Variants in PTN observed in about 807,000 individuals in gnomAD.
PTN encodes pleiotrophin.
PTN carries 18 observed loss-of-function variants against 24.1 expected under a neutral mutation model. The ratio of observed to expected loss-of-function variants is 0.75; its 90% CI spans 0.52 to 1.11. PTN has a LOEUF of 1.11. PTN is among the 50% of genes least tolerant of loss of function. The probability of loss-of-function intolerance (pLI) is 0.00; values close to 1 mark genes in which losing one functional copy is unlikely to be tolerated. For synonymous variants in PTN, 78 were observed against 68.6 expected, an observed-to-expected ratio of 1.14 and a Z score of -0.67; for missense variants, 163 against 198.8, an observed-to-expected ratio of 0.82 and a Z score of 1.08.
rs561947700 is a variant in PTN at position 137,327,029 on chromosome 7, A to G, written c.-2+16410T>C. 2 of 152,318 alleles carry G rather than the reference A, an allele frequency of 1.3e-5. 1 individual carries two copies. Among genetic ancestry groups the G allele is most frequent in the East Asian group, 3.9e-4 (2 of 5,180 alleles). 9.4% of individuals were successfully genotyped at this position (152,318 alleles called of 1,614,324 possible). On this transcript the variant is annotated intron_variant, in intron 1 of 4. Transcript: ENST00000348225. ...GAGAAAGGGGTAAGTAATCATTTTAACTAGGGGAATAAAGGTAAAATTTTC... is the reference window on the plus strand; with the variant it reads ...GAGAAAGGGGTAAGTAATCATTTTAGCTAGGGGAATAAAGGTAAAATTTTC...
At chr7:137,273,211 A>C (rs1331373843) in intron 1 of PTN, among the ~76,000 whole-genome samples, 2 of 152,228 alleles carry the variant, frequency 1.3e-5, no homozygotes, top group African/African-American at 4.8e-5. Flanking sequence ...TAAATGAATA[A>C]AATAAAGAAT....
intron 1 of PTN, among the ~76,000 whole-genome samples, chr7:137,331,912 G>C (rs747465771): frequency 5.3e-5 from 8 of 152,184 alleles, no homozygotes; most frequent in Non-Finnish European, 1.0e-4. Flanking sequence ...CATCTGCAAG[G>C]ACAAAGACTT....
intron 3 of PTN, among the ~76,000 whole-genome samples, chr7:137,252,497 G>A (rs1287754124): frequency 1.3e-5 from 2 of 151,736 alleles, no homozygotes; most frequent in African/African-American, 4.9e-5. Context: ...TAAACTTTTT[G>A]TAAGTGGGTT....
intron 1 of PTN, among the ~76,000 whole-genome samples, chr7:137,319,268 C>A (rs1273129957): frequency 6.6e-6 from 1 of 152,194 alleles, no homozygotes; most frequent in Non-Finnish European, 1.5e-5. Flanking sequence ...TAACAGAATT[C>A]TTGTGAGAAT....
At chr7:137,339,586 T>C (rs1291176266) in intron 1 of PTN, among the ~76,000 whole-genome samples, 1 of 78,380 alleles carries the variant, frequency 1.3e-5, no homozygotes, top group East Asian at 4.1e-4. Flanking sequence ...AAAAAAAAAA[T>C]GGGGGAAAAA....
chr7:137,339,875 AT>A (rs1810507742), intron 1 of PTN, among the ~76,000 whole-genome samples: 1 of 152,204 alleles, frequency 6.6e-6, no homozygotes, highest in Non-Finnish European at 1.5e-5. Context: ...ACAGAATGCT[AT>A]TTGTGTTTTA....
chr7:137,337,779 G>C (rs1006203682), intron 1 of PTN, among the ~76,000 whole-genome samples: 1 of 152,170 alleles, frequency 6.6e-6, no homozygotes, highest in East Asian at 1.9e-4. Context: ...GAATGGGAAT[G>C]CTTGGGCTTA....
intron 4 of PTN, among the ~76,000 whole-genome samples, chr7:137,238,083 T>A (rs1307528507): frequency 6.6e-6 from 1 of 152,132 alleles, no homozygotes; most frequent in Non-Finnish European, 1.5e-5. Context: ...CTAGAAAAAG[T>A]CTTTATTATT....
chr7:137,230,608 T>A (rs1040872775), intron 4 of PTN, among the ~76,000 whole-genome samples: 1 of 151,864 alleles, frequency 6.6e-6, no homozygotes, highest in Non-Finnish European at 1.5e-5. Context: ...AGGTCAGTAA[T>A]ATTGCTTCCA....
chr7:137,284,928 C>G (rs1809530052), intron 1 of PTN, among the ~76,000 whole-genome samples: 2 of 152,114 alleles, frequency 1.3e-5, no homozygotes, highest in South Asian at 4.1e-4. Flanking sequence ...AAATTAACAT[C>G]TGAGAATAAC....
chr7:137,291,890 A>G (rs1809643848), intron 1 of PTN, among the ~76,000 whole-genome samples: 1 of 152,178 alleles, frequency 6.6e-6, no homozygotes, highest in Admixed American at 6.5e-5. Context: ...TTCTTTTGAC[A>G]TACTTGAGAA....
chr7:137,238,147 T>C (rs989449897), intron 4 of PTN, among the ~76,000 whole-genome samples: 1 of 152,202 alleles, frequency 6.6e-6, no homozygotes, highest in African/African-American at 2.4e-5. Context: ...CTGATTTCCC[T>C]GTAGGTTTGC....
At chr7:137,248,480 G>A (rs1486703846) in intron 4 of PTN, among the ~76,000 whole-genome samples, 1 of 152,176 alleles carries the variant, frequency 6.6e-6, no homozygotes, top group Non-Finnish European at 1.5e-5. Context: ...GAGGTCTGGA[G>A]TTCAAGACCA....
chr7:137,330,717 A>T (rs181875350), intron 1 of PTN, among the ~76,000 whole-genome samples: 118 of 152,348 alleles, frequency 7.7e-4, no homozygotes, highest in African/African-American at 2.6e-3. Context: ...TCACTAGAAC[A>T]GCAGATATTG....
chr7:137,340,204 T>C (rs200357513), intron 1 of PTN, among the ~76,000 whole-genome samples: 2 of 152,236 alleles, frequency 1.3e-5, no homozygotes, highest in East Asian at 1.9e-4. Context: ...CCTGAAGAAA[T>C]AGAGATTTGT....
intron 1 of PTN, among the ~76,000 whole-genome samples, chr7:137,320,633 A>T (rs1203377780): frequency 6.6e-6 from 1 of 151,898 alleles, no homozygotes; most frequent in Non-Finnish European, 1.5e-5. Flanking sequence ...CAAAATTTTG[A>T]TTTTTTTTTA....
At chr7:137,234,478 C>T (rs1051322170) in intron 4 of PTN, among the ~76,000 whole-genome samples, 2 of 152,040 alleles carry the variant, frequency 1.3e-5, no homozygotes, top group African/African-American at 4.8e-5. Context: ...AGCAAAGTTA[C>T]TCTTGAAAGG....
intron 1 of PTN, among the ~76,000 whole-genome samples, chr7:137,338,441 ACAG>A (rs1810482840): frequency 6.6e-6 from 1 of 152,222 alleles, no homozygotes; most frequent in African/African-American, 2.4e-5. Context: ...TCCAGAATAA[ACAG>A]CATTAAAGGA....
At chr7:137,334,030 C>G (rs1348468146) in intron 1 of PTN, among the ~76,000 whole-genome samples, 2 of 152,150 alleles carry the variant, frequency 1.3e-5, no homozygotes, top group Non-Finnish European at 2.9e-5. Context: ...ACACCTCATA[C>G]AAAAATTAAT....
Sources: allele counts gnomAD v4.1 joint callset (sites outside exome capture counted in the v4.1 genomes callset), GRCh38; gene constraint gnomAD v4.1.1; transcripts MANE v1.5; gene names NCBI Gene and HGNC (gene_info 2026-07-23, HGNC 2026-07-21).